Variants in SS18L1 observed in about 807,000 individuals in gnomAD.
SS18L1 encodes calcium-responsive transactivator.
A neutral mutation model predicts 70.3 loss-of-function variants in SS18L1; 32 were observed. The ratio of observed to expected loss-of-function variants is 0.46; its 90% confidence interval spans 0.34 to 0.61. The LOEUF (loss-of-function observed/expected upper bound fraction) is 0.61, where lower values mean the gene tolerates loss of function less well. Among genes scored for constraint, SS18L1 ranks in the 20% least tolerant of loss-of-function variants. The probability of loss-of-function intolerance (pLI) is 0.01; values close to 1 mark genes in which losing one functional copy is unlikely to be tolerated. For missense variants in SS18L1, 430 were observed against 542.1 expected, an observed-to-expected ratio of 0.79 and a Z score of 2.05; for synonymous variants, 237 against 229.7, an observed-to-expected ratio of 1.03 and a Z score of -0.29.
rs546545512 is a variant in SS18L1, at chr20:62,164,021, G to A, written c.722-124G>A. ...AACATAAGTTGGATACGATGACAGC[G>A]TGGGGTGTTCTCCTCGGGTGGGTGA... On this transcript the variant is annotated intron_variant, in intron 6 of 10. Coordinates refer to ENST00000331758, the MANE Select transcript of SS18L1 (RefSeq NM_198935.3). 2.1e-4 allele frequency: 156 copies of A among 751,598 alleles called. 2 individuals are homozygous for A. The African/African-American group carries it at 2.3e-3, about 11-fold the overall frequency. 46.6% of individuals were successfully genotyped at this position (751,598 alleles called of 1,614,324 possible). A position where few individuals can be genotyped will look rare whatever the true frequency, so the allele number is the denominator to read the frequency against.
At position 62,161,421 on chromosome 20, in the gene SS18L1, TC is replaced by T. The variant is rs750109763; in HGVS notation, c.232-13del. The T allele has an allele frequency of 1.2e-5, 20 of 1,612,612 alleles. No individual in the cohort carries two copies. Among genetic ancestry groups the T allele is most frequent in the South Asian group, 9.9e-5 (9 of 91,048 alleles). ...AATTAACCGTTTTTCCCTGAAAACT[TC>T]CTGTTGCCTGCAGCCGCCCACGCAG... On this transcript the variant is annotated splice_polypyrimidine_tract_variant and intron_variant, in intron 3 of 10. Coordinates refer to ENST00000331758, the MANE Select transcript of SS18L1 (RefSeq NM_198935.3). The surrounding 1 kb of genome is among the most constrained non-coding windows in gnomAD (Gnocchi z 4.4).
rs187287066 is a variant in SS18L1 at position 62,158,938 on chromosome 20, C to T, written c.146+190C>T. 17 of 1,585,614 alleles carry T rather than the reference C, an allele frequency of 1.1e-5. No individual in the cohort carries two copies. Among genetic ancestry groups the T allele is most frequent in the Admixed American group, 6.7e-5 (4 of 59,290 alleles). ...GATATGTCCCAGGAGTCCCCCAGCA[C>T]GGAGGTCAGATATGTCCCGAGAGTC... On this transcript the variant is annotated intron_variant, in intron 2 of 10. Transcript: ENST00000331758. This position sits in a 1 kb window ranked among gnomAD's most constrained non-coding sequence, Gnocchi z 4.5.
intron 8 of SS18L1, among the ~76,000 whole-genome samples, chr20:62,172,314 G>A (rs892565877): frequency 2.7e-5 from 4 of 149,372 alleles, no homozygotes; most frequent in South Asian, 4.3e-4. Context: ...GTCCCAGAGC[G>A]AGGCCCTGTC....
chr20:62,179,872 T>G lies in SS18L1; in HGVS notation c.*664T>G, dbSNP rs1383211071. ...TCCGTTTATCCAAAAAGGTACATGT[T>G]TTTGTATTAAAAAGTAAACAGGGAT... On this transcript the variant is annotated 3_prime_UTR_variant, in exon 11 of 11. Coordinates refer to ENST00000331758, the MANE Select transcript of SS18L1 (RefSeq NM_198935.3). 1 of 225,236 alleles carries G rather than the reference T, an allele frequency of 4.4e-6. No homozygotes were observed. The highest frequency in any genetic ancestry group is 5.7e-5 in the Admixed American group (1 of 17,492). The allele number at this position is 225,236 out of a possible 1,614,324, so 14.0% of individuals were successfully genotyped here. A position where few individuals can be genotyped will look rare whatever the true frequency, so the allele number is the denominator to read the frequency against.
At chr20:62,144,135 C>T (rs940827764) in intron 1 of SS18L1, among the ~76,000 whole-genome samples, 3 of 150,828 alleles carry the variant, frequency 2.0e-5, no homozygotes, top group East Asian at 1.9e-4. Flanking sequence ...GCGCGGGTCC[C>T]TCGGGCCGGG....
chr20:62,171,165 G>A (rs1047545178), intron 8 of SS18L1, among the ~76,000 whole-genome samples: 2 of 152,064 alleles, frequency 1.3e-5, no homozygotes, highest in Admixed American at 1.3e-4. Context: ...GCCTCCCAAA[G>A]TGCTGGGATT....
chr20:62,167,839 A>G (rs1170212897), intron 8 of SS18L1, among the ~76,000 whole-genome samples: 1 of 151,304 alleles, frequency 6.6e-6, no homozygotes, highest in Non-Finnish European at 1.5e-5. Context: ...TTAAAGAGAC[A>G]GGGTCTTGCC....
chr20:62,157,982 G>A (rs1001080175), intron 1 of SS18L1, among the ~76,000 whole-genome samples: 20 of 152,204 alleles, frequency 1.3e-4, no homozygotes, highest in Middle Eastern at 3.4e-3. Context: ...AGGAAGTCTC[G>A]ATGCCCTTAC....
intron 1 of SS18L1, chr20:62,154,503 G>C (rs1248781058): frequency 3.9e-6 from 4 of 1,019,306 alleles, no homozygotes; most frequent in Admixed American, 1.2e-4. Flanking sequence ...CCTCAGGCCA[G>C]GCCATCGGCC....
At chr20:62,162,559 C>T in intron 4 of SS18L1, 193 bp from the exon 5 acceptor site, 1 of 584,054 alleles carries the variant, frequency 1.7e-6, no homozygotes, top group Non-Finnish European at 2.9e-6. Flanking sequence ...CCACCTCGGC[C>T]TCCCAAAGTG....
chr20:62,178,487 G>C (rs1315961813), intron 10 of SS18L1, among the ~76,000 whole-genome samples: 1 of 151,910 alleles, frequency 6.6e-6, no homozygotes, highest in Non-Finnish European at 1.5e-5. Context: ...GTAGAGATGG[G>C]GTCTTGCTGT....
At position 62,154,361 on chromosome 20, in the gene SS18L1, T is replaced by C. The variant is rs530986931; in HGVS notation, c.70-4311T>C. ...TTTTCCTAACTTGCGGGTCTGAAAG[T>C]GCGTCCATTCCCCCTTCACGCCTGG... is the stretch of plus-strand genomic sequence containing the variant. On this transcript the variant is annotated intron_variant, in intron 1 of 10. Coordinates refer to ENST00000331758, the MANE Select transcript of SS18L1 (RefSeq NM_198935.3). 55 of 1,050,618 alleles carry C rather than the reference T, an allele frequency of 5.2e-5. No individual in the cohort carries two copies. In the East Asian group the frequency reaches 2.7e-3, roughly 52 times the overall value. 65.1% of individuals were successfully genotyped at this position (1,050,618 alleles called of 1,614,324 possible). A position where few individuals can be genotyped will look rare whatever the true frequency, so the allele number is the denominator to read the frequency against.
Position 62,179,610 on chromosome 20 carries a change from C to T in SS18L1, c.*402C>T, listed in dbSNP as rs572275779. ...ACAGACGTTAGGTCTCATTTTCCTC[C>T]TCATGCAGTGTTGTAGTGTGGGTTG... On this transcript the variant is annotated 3_prime_UTR_variant, in exon 11 of 11. Coordinates refer to ENST00000331758, the MANE Select transcript of SS18L1 (RefSeq NM_198935.3). 1.6e-4 allele frequency: 47 copies of T among 289,178 alleles called. No homozygotes were observed. The South Asian group carries it at 3.1e-3, about 19-fold the overall frequency. 17.9% of individuals were successfully genotyped at this position (289,178 alleles called of 1,614,324 possible). A position where few individuals can be genotyped will look rare whatever the true frequency, so the allele number is the denominator to read the frequency against.
intron 1 of SS18L1, among the ~76,000 whole-genome samples, chr20:62,144,290 C>G (rs2056981086): frequency 6.6e-6 from 1 of 152,096 alleles, no homozygotes; most frequent in African/African-American, 2.4e-5. Flanking sequence ...GCGGCGAGGG[C>G]TTGTCGCGCT....
chr20:62,144,379 C>T (rs1370670321), intron 1 of SS18L1, among the ~76,000 whole-genome samples: 1 of 152,198 alleles, frequency 6.6e-6, no homozygotes, highest in African/African-American at 2.4e-5. Flanking sequence ...GGGCCCGGGT[C>T]GGCCTCCGGG....
chr20:62,159,957 C>T lies in SS18L1; in HGVS notation c.227C>T (p.Pro76Leu). 1.2e-6 allele frequency: 2 copies of T among 1,611,440 alleles called. No homozygotes were observed. The highest frequency in any genetic ancestry group is 1.1e-5 in the South Asian group (1 of 90,872). The change falls in exon 3 of 11, where the codon CCT (proline) becomes CTT (leucine). Residue 76 changes from proline (P) to leucine (L), a missense_variant. Transcript: ENST00000331758. The surrounding 1 kb of genome is among the most constrained non-coding windows in gnomAD (Gnocchi z 4.4). ...DSNQNMQSLL[P>L]APPTQNMNLG... ...AACCAGAACATGCAGTCCCTGCTTC[C>T]TGCCGTGAGTACCCACGGGGGGTTG...
At position 62,181,126 on chromosome 20, in the gene SS18L1, C is replaced by A; in HGVS notation, c.*1918C>A. On this transcript the variant is annotated 3_prime_UTR_variant, in exon 11 of 11. Coordinates refer to ENST00000331758, the MANE Select transcript of SS18L1 (RefSeq NM_198935.3). ...CAGTCCTGTTCTAGGACATTCTCCC[C>A]TCTCCTAGGAGACGGATGTCACGCA... is the stretch of plus-strand genomic sequence containing the variant. 1 of 191,864 alleles carries A rather than the reference C, an allele frequency of 5.2e-6. No individual in the cohort carries two copies. The highest frequency in any genetic ancestry group is 1.1e-5 in the Non-Finnish European group (1 of 91,810). 11.9% of individuals were successfully genotyped at this position (191,864 alleles called of 1,614,324 possible). A position where few individuals can be genotyped will look rare whatever the true frequency, so the allele number is the denominator to read the frequency against.
Position 62,161,575 on chromosome 20 carries a change from G to A in SS18L1, c.371G>A (p.Gly124Asp). ...TCCTCCCTCCTGCAGGGCCAGATTG[G>A]CAACGGTGAGTGCGGCGGGGGAGGA... ...PPSSLLQGQI[G>D]NGPSHVSMQQ... Residue 124 changes from glycine (G) to aspartate (D), a missense_variant, in exon 4 of 11, where the codon GGC becomes GAC. Gly to Asp is a moderately conservative substitution (Grantham distance 94). Transcript: ENST00000331758. This position sits in a 1 kb window ranked among gnomAD's most constrained non-coding sequence, Gnocchi z 4.4. 1 of 1,607,524 alleles carries A rather than the reference G, an allele frequency of 6.2e-7. No individual in the cohort carries two copies. Among genetic ancestry groups the A allele is most frequent in the Non-Finnish European group, 8.5e-7 (1 of 1,175,644 alleles).
At chr20:62,154,560 TC>T in intron 1 of SS18L1, 1 of 1,011,792 alleles carries the variant, frequency 9.9e-7, no homozygotes, top group Non-Finnish European at 1.2e-6. Context: ...TCAGGGGGTG[TC>T]CCTTGGTATG....
Sources: gnomAD v4.1 joint callset for allele counts (sites outside exome capture counted in the v4.1 genomes callset) on GRCh38, gnomAD v4.1.1 for gene constraint, Gnocchi (gnomAD v3.1) non-coding constraint, MANE v1.5 for transcripts, NCBI Gene and HGNC (gene_info 2026-07-23, HGNC 2026-07-21) for gene names.